ATP10A: variants seen among roughly 807,000 people sequenced by gnomAD.
ATP10A encodes the protein phospholipid-transporting ATPase VA.
In ATP10A, 111 loss-of-function variants were observed where a neutral mutation model predicts 147.8. That is an observed-to-expected ratio of 0.75 (90% CI 0.64 to 0.88). The LOEUF is 0.88. Ranked by LOEUF, ATP10A falls within the 40% of genes least tolerant of loss-of-function variation. ATP10A has a pLI of 0.00. For synonymous variants in ATP10A, 875 were observed against 841.6 expected, an observed-to-expected ratio of 1.04 and a Z score of -0.69; for missense variants, 1,927 against 1,959.0, an observed-to-expected ratio of 0.98 and a Z score of 0.31.
chr15:25,694,415 C>T lies in ATP10A; in HGVS notation c.3088+404G>A, dbSNP rs145342771. Reference sequence around the variant, plus strand: ...AGGGCGTTACAAAGCCTTGGACACCCGGAGGCTCATGGTGACCAGAAGCAG... The same window carrying T: ...AGGGCGTTACAAAGCCTTGGACACCTGGAGGCTCATGGTGACCAGAAGCAG... On this transcript the variant is annotated intron_variant, in intron 14 of 20. Coordinates refer to ENST00000555815, the MANE Select transcript of ATP10A (RefSeq NM_024490.4). Among the ~76,000 whole-genome samples the T allele has an allele frequency of 3.9e-4, 60 of 152,344 alleles. 1 individual carries two copies. The East Asian group carries it at 5.2e-3, about 13-fold the overall frequency.
intron 2 of ATP10A, among the ~76,000 whole-genome samples, chr15:25,763,741 T>C (rs919100175): frequency 6.6e-6 from 1 of 152,148 alleles, no homozygotes; most frequent in African/African-American, 2.4e-5. Flanking sequence ...ACTTTGCAGA[T>C]GAGAGCTGGC....
At chr15:25,773,817 TCCACACACACACACAC>T (rs1318986212) in intron 2 of ATP10A, among the ~76,000 whole-genome samples, 105 of 105,028 alleles carry the variant, frequency 1.0e-3, no homozygotes, top group Non-Finnish European at 1.7e-3. Context: ...CACCTAAACA[TCCACACACACACACAC>T]ACACACACAC....
At chr15:25,693,320 C>T (rs1353852795) in intron 14 of ATP10A, among the ~76,000 whole-genome samples, 1 of 152,178 alleles carries the variant, frequency 6.6e-6, no homozygotes, top group Non-Finnish European at 1.5e-5. Context: ...ACGTGCCCAG[C>T]CATGTGCTGA....
chr15:25,721,310 C>T (rs1902205111), intron 7 of ATP10A, among the ~76,000 whole-genome samples: 1 of 152,196 alleles, frequency 6.6e-6, no homozygotes, highest in Admixed American at 6.5e-5. Flanking sequence ...ACAACAGAGA[C>T]ATCTCTCTGT....
At chr15:25,684,407 G>C (rs74644757) in intron 16 of ATP10A, among the ~76,000 whole-genome samples, 1 of 152,176 alleles carries the variant, frequency 6.6e-6, no homozygotes, top group Non-Finnish European at 1.5e-5. Flanking sequence ...ATGATACTCA[G>C]CCAATGCAGC....
intron 1 of ATP10A, among the ~76,000 whole-genome samples, chr15:25,839,295 T>A (rs1892712585): frequency 6.6e-6 from 1 of 152,210 alleles, no homozygotes. Flanking sequence ...TAAAATAAAG[T>A]ACTTTTGGTA....
intron 2 of ATP10A, among the ~76,000 whole-genome samples, chr15:25,764,014 G>C (rs1293527583): frequency 6.6e-6 from 1 of 152,104 alleles, no homozygotes; most frequent in Non-Finnish European, 1.5e-5. Flanking sequence ...AACAATTAGA[G>C]AAGAATATGC....
intron 2 of ATP10A, among the ~76,000 whole-genome samples, chr15:25,771,529 G>A (rs183363733): frequency 6.6e-6 from 1 of 152,220 alleles, no homozygotes; most frequent in East Asian, 1.9e-4. Flanking sequence ...ACAGAACAAA[G>A]ACAAGACTCC....
At chr15:25,746,517 A>G (rs1387320975) in intron 2 of ATP10A, among the ~76,000 whole-genome samples, 1 of 152,222 alleles carries the variant, frequency 6.6e-6, no homozygotes, top group African/African-American at 2.4e-5. Flanking sequence ...AAAACACTGC[A>G]CACAAGAGCT....
chr15:25,709,676 G>T, intron 10 of ATP10A: 1 of 152,452 alleles, frequency 6.6e-6, no homozygotes, highest in Non-Finnish European at 1.5e-5. Flanking sequence ...TCTGCACAGA[G>T]CCTAGTGACA....
At chr15:25,760,712 G>A (rs987687229) in intron 2 of ATP10A, among the ~76,000 whole-genome samples, 1 of 152,184 alleles carries the variant, frequency 6.6e-6, no homozygotes, top group African/African-American at 2.4e-5. Flanking sequence ...TGGGCACGGT[G>A]GCTCATGAAT....
chr15:25,812,306 T>C (rs369189018), intron 1 of ATP10A, among the ~76,000 whole-genome samples: 8 of 152,242 alleles, frequency 5.3e-5, no homozygotes, highest in East Asian at 3.8e-4. Context: ...AAAAAGACTT[T>C]TGTAGTTTGG....
chr15:25,863,276 G>A lies in ATP10A; in HGVS notation c.-180C>T. On this transcript the variant is annotated 5_prime_UTR_variant, in exon 1 of 21. It adds an upstream start codon to the 5' untranslated region. Transcript: ENST00000555815. Reference sequence around the variant, plus strand: ...GCGCGCCCAGCCCGCGCCCAGCCCCGTCCACTCCCGTCCAGCCCCGCCGCC... The same window carrying A: ...GCGCGCCCAGCCCGCGCCCAGCCCCATCCACTCCCGTCCAGCCCCGCCGCC... The A allele has an allele frequency of 4.5e-6, 1 of 222,342 alleles. No homozygotes were observed. 13.8% of individuals were successfully genotyped at this position (222,342 alleles called of 1,614,324 possible). A position where few individuals can be genotyped will look rare whatever the true frequency, so the allele number is the denominator to read the frequency against.
At chr15:25,854,228 G>C (rs1683780602) in intron 1 of ATP10A, among the ~76,000 whole-genome samples, 2 of 152,116 alleles carry the variant, frequency 1.3e-5, no homozygotes, top group Admixed American at 1.3e-4. Context: ...TGAAGGACAG[G>C]ACAGCCAGCT....
chr15:25,704,051 G>A (rs1900827848), intron 12 of ATP10A, among the ~76,000 whole-genome samples: 1 of 151,398 alleles, frequency 6.6e-6, no homozygotes, highest in South Asian at 2.1e-4. Context: ...CCGGGCACCG[G>A]GAGGGCATCT....
intron 1 of ATP10A, among the ~76,000 whole-genome samples, chr15:25,798,594 A>G (rs1034743377): frequency 6.6e-6 from 1 of 152,212 alleles, no homozygotes; most frequent in Admixed American, 6.5e-5. Context: ...TGGATGTCCA[A>G]CCAAATGGCC....
intron 1 of ATP10A, among the ~76,000 whole-genome samples, chr15:25,792,948 G>A (rs900069815): frequency 1.4e-4 from 21 of 144,846 alleles, no homozygotes; most frequent in African/African-American, 2.1e-4. Context: ...CTGACTCACC[G>A]CAACCTCCAC....
At chr15:25,721,465 T>C (rs1902221531) in intron 7 of ATP10A, among the ~76,000 whole-genome samples, 192 bp downstream of exon 7, 1 of 152,056 alleles carries the variant, frequency 6.6e-6, no homozygotes, top group African/African-American at 2.4e-5. Context: ...GTTCTATAAA[T>C]AGCACCGGGC....
chr15:25,774,728 A>AT (rs1459172297), intron 2 of ATP10A, among the ~76,000 whole-genome samples: 1 of 152,246 alleles, frequency 6.6e-6, no homozygotes, highest in African/African-American at 2.4e-5. Context: ...TTATATTGCC[A>AT]TGAAATAAAC....
Sources: allele counts gnomAD v4.1 joint callset (sites outside exome capture counted in the v4.1 genomes callset), GRCh38; gene constraint gnomAD v4.1.1; transcripts MANE v1.5; gene names NCBI Gene and HGNC (gene_info 2026-07-23, HGNC 2026-07-21).